MFN1: variants seen among roughly 807,000 people sequenced by gnomAD.
The protein encoded by MFN1 is mitofusin 1, also known as mitofusin-1.
A neutral mutation model predicts 92.4 loss-of-function variants in MFN1; 65 were observed. The observed-to-expected ratio is 0.70, with a 90% CI of 0.58 to 0.86. The LOEUF (loss-of-function observed/expected upper bound fraction) is 0.86. Ranked by LOEUF, MFN1 falls within the 40% of genes least tolerant of loss-of-function variation. The probability of loss-of-function intolerance (pLI) is 0.00; values close to 1 mark genes in which losing one functional copy is unlikely to be tolerated. For synonymous variants in MFN1, 297 were observed against 300.9 expected (o/e 0.99, Z 0.13); for missense variants, 781 against 868.0 (o/e 0.90, Z 1.26).
chr3:179,380,952 AAAT>A (rs1311454235), intron 14 of MFN1, among the ~76,000 whole-genome samples: 2 of 152,216 alleles, frequency 1.3e-5, no homozygotes, highest in Admixed American at 6.5e-5. Flanking sequence ...CTTATGCAAA[AAAT>A]AATATCTTCA....
At chr3:179,364,108 G>A (rs1395521372) in intron 5 of MFN1, among the ~76,000 whole-genome samples, 189 bp from the exon 6 acceptor site, 1 of 152,004 alleles carries the variant, frequency 6.6e-6, no homozygotes, top group Non-Finnish European at 1.5e-5. Flanking sequence ...ACATTAAAAA[G>A]ATTGAAATAT....
Position 179,392,775 on chromosome 3 carries a change from T to G in MFN1, c.*716T>G, listed in dbSNP as rs1211936222. The G allele has an allele frequency of 6.6e-6, 1 of 152,156 alleles. No individual in the cohort carries two copies. Among genetic ancestry groups the G allele is most frequent in the African/African-American group, 2.4e-5 (1 of 41,440 alleles). The allele number at this position is 152,156 out of a possible 1,614,324, so 9.4% of individuals were successfully genotyped here. A position where few individuals can be genotyped will look rare whatever the true frequency, so the allele number is the denominator to read the frequency against. The stretch of plus-strand genomic sequence containing the variant: ...ATTTTAGGAGTAAAGTTTGAAGAGA[T>G]AAAAATAGCCAAAGATAGGAGACGT... On this transcript the variant is annotated 3_prime_UTR_variant, in exon 18 of 18. Coordinates refer to ENST00000471841, the MANE Select transcript of MFN1 (RefSeq NM_033540.3).
Position 179,386,421 on chromosome 3 carries a change from T to C in MFN1, c.1816-12T>C. On this transcript the variant is annotated splice_polypyrimidine_tract_variant and intron_variant, in intron 15 of 17. Transcript: ENST00000471841. Reference sequence around the variant, plus strand: ...TTTCCTTCTCAGACTAAGCTATGACTTTATCTTACAGATTTGGAAAACTAT... The same window carrying C: ...TTTCCTTCTCAGACTAAGCTATGACCTTATCTTACAGATTTGGAAAACTAT... 1 of 1,607,706 alleles carries C rather than the reference T, an allele frequency of 6.2e-7. No homozygotes were observed. The highest frequency in any genetic ancestry group is 1.1e-5 in the South Asian group (1 of 90,164).
At chr3:179,354,417 G>C (rs1253655879) in intron 3 of MFN1, among the ~76,000 whole-genome samples, 1 of 152,106 alleles carries the variant, frequency 6.6e-6, no homozygotes, top group East Asian at 1.9e-4. Context: ...TTTTATTTTG[G>C]AAAATAGTCC....
In MFN1 at chr3:179,377,466, T is replaced by G. The variant is rs1168768903; in HGVS notation, c.1329+18T>G. ...ATAAAAGTGTAAGTTAAAGTATAGA[T>G]AAAATTATTCAGAGACAGTTTCTTA... is the stretch of plus-strand genomic sequence containing the variant. On this transcript the variant is annotated intron_variant, in intron 12 of 17. Coordinates refer to ENST00000471841, the MANE Select transcript of MFN1 (RefSeq NM_033540.3). 1 of 1,425,732 alleles carries G rather than the reference T, an allele frequency of 7.0e-7. No individual in the cohort carries two copies. The highest frequency in any genetic ancestry group is 9.7e-7 in the Non-Finnish European group (1 of 1,026,918). 88.3% of individuals were successfully genotyped at this position (1,425,732 alleles called of 1,614,324 possible).
intron 3 of MFN1, among the ~76,000 whole-genome samples, chr3:179,357,098 T>G (rs1350783361): frequency 1.3e-5 from 2 of 152,078 alleles, no homozygotes; most frequent in African/African-American, 4.8e-5. Flanking sequence ...CATTCCTCTG[T>G]GGGGGGTCTT....
intron 3 of MFN1, among the ~76,000 whole-genome samples, chr3:179,357,223 GTAT>G (rs1297485896): frequency 7.9e-5 from 12 of 152,304 alleles, no homozygotes; most frequent in Non-Finnish European, 2.9e-5. Context: ...CAAATGGTCA[GTAT>G]CTGGTGTTAC....
At chr3:179,378,959 G>C in intron 14 of MFN1, 145 bp downstream of exon 14, 4 of 710,670 alleles carry the variant, frequency 5.6e-6, no homozygotes, top group Non-Finnish European at 9.2e-6. Flanking sequence ...TAGATATTTA[G>C]TTTGAGCATC....
intron 14 of MFN1, among the ~76,000 whole-genome samples, 181 bp from the exon 15 acceptor site, chr3:179,385,388 G>A (rs950972528): frequency 6.6e-6 from 1 of 151,644 alleles, no homozygotes; most frequent in African/African-American, 2.4e-5. Flanking sequence ...TGATATCATT[G>A]GTCCATATTG....
At position 179,393,805 on chromosome 3, in the gene MFN1, C is replaced by T. The variant is rs1347145005; in HGVS notation, c.*1746C>T. 1 of 152,142 alleles carries T rather than the reference C, an allele frequency of 6.6e-6. No homozygotes were observed. Among genetic ancestry groups the T allele is most frequent in the Non-Finnish European group, 1.5e-5 (1 of 68,036 alleles). 9.4% of individuals were successfully genotyped at this position (152,142 alleles called of 1,614,324 possible). A position where few individuals can be genotyped will look rare whatever the true frequency, so the allele number is the denominator to read the frequency against. ...GAAAGTTCATAATAGTTTGGTATCA[C>T]CTCATTAGTATAGTACAGTGGTTCT... On this transcript the variant is annotated 3_prime_UTR_variant, in exon 18 of 18. Transcript: ENST00000471841.
At position 179,378,668 on chromosome 3, in the gene MFN1, A is replaced by C; in HGVS notation, c.1516A>C (p.Asn506His). The C allele has an allele frequency of 1.2e-6, 2 of 1,613,892 alleles. No homozygotes were observed. The highest frequency in any genetic ancestry group is 1.7e-6 in the Non-Finnish European group (2 of 1,179,836). The change falls in exon 14 of 18, where the codon AAT becomes CAT. Residue 506 changes from asparagine (N) to histidine (H), a missense_variant. Transcript: ENST00000471841. ...IPCKKFDLSY[N>H]LNYHKLCSDF... ...TTGCAAGAAATTTGATCTCAGTTAT[A>C]ATCTAAATTACCACAAGTTATGTTC...
intron 9 of MFN1, among the ~76,000 whole-genome samples, chr3:179,372,714 G>A (rs894023850): frequency 1.2e-4 from 18 of 152,096 alleles, no homozygotes; most frequent in Admixed American, 9.8e-4. Context: ...TTTCTGTCTC[G>A]TCTAGCTCTA....
chr3:179,369,742 A>G (rs1560195147), intron 9 of MFN1, among the ~76,000 whole-genome samples: 1 of 152,134 alleles, frequency 6.6e-6, no homozygotes, highest in Admixed American at 6.5e-5. Flanking sequence ...CTATATACAT[A>G]TATATTCAAA....
At chr3:179,349,838 T>G (rs1057480168) in intron 2 of MFN1, among the ~76,000 whole-genome samples, 1 of 151,652 alleles carries the variant, frequency 6.6e-6, no homozygotes, top group Non-Finnish European at 1.5e-5. Flanking sequence ...ACTGTTGAAA[T>G]TTTTTCTGGT....
chr3:179,363,913 A>T (rs768534064), intron 5 of MFN1, among the ~76,000 whole-genome samples: 2 of 152,110 alleles, frequency 1.3e-5, no homozygotes, highest in African/African-American at 2.4e-5. Flanking sequence ...ACTTTTTACA[A>T]ATATTTATTG....
At chr3:179,375,407 G>A in intron 10 of MFN1, 66 bp downstream of exon 10, 2 of 1,578,904 alleles carry the variant, frequency 1.3e-6, no homozygotes, top group East Asian at 2.3e-5. Context: ...TTAAGATGAG[G>A]TTTTAAATTG....
At chr3:179,352,763 T>TC (rs398106800) in intron 3 of MFN1, among the ~76,000 whole-genome samples, 24 of 148,936 alleles carry the variant, frequency 1.6e-4, no homozygotes, top group African/African-American at 4.6e-4. Flanking sequence ...ATTTTTTTTT[T>TC]CCCCCTGAGA....
chr3:179,377,614 G>A (rs961225327), intron 12 of MFN1, among the ~76,000 whole-genome samples, 166 bp downstream of exon 12: 11 of 152,246 alleles, frequency 7.2e-5, no homozygotes, highest in Admixed American at 3.3e-4. Context: ...AAAGTAAATA[G>A]AAAATTTATA....
chr3:179,368,104 G>A lies in MFN1; in HGVS notation c.975+1G>A. Reference sequence around the variant, plus strand: ...TCAGAATTTTGAACAAATCTTTGAGGTAGGAATTTTGTGATTGTATTGCCT... The same window carrying A: ...TCAGAATTTTGAACAAATCTTTGAGATAGGAATTTTGTGATTGTATTGCCT... On this transcript the variant is annotated splice_donor_variant, in intron 9 of 17. Transcript: ENST00000471841. LOFTEE classifies it high-confidence loss of function. The A allele has an allele frequency of 6.4e-7, 1 of 1,558,160 alleles. No homozygotes were observed. The highest frequency in any genetic ancestry group is 1.2e-5 in the South Asian group (1 of 83,562).
Sources: gnomAD v4.1 joint callset for allele counts (sites outside exome capture counted in the v4.1 genomes callset) on GRCh38, gnomAD v4.1.1 for gene constraint, MANE v1.5 for transcripts, NCBI Gene and HGNC (gene_info 2026-07-23, HGNC 2026-07-21) for gene names.